MEF2C: variants seen among roughly 807,000 people sequenced by gnomAD.
MEF2C encodes myocyte enhancer factor 2C, also known as myocyte-specific enhancer factor 2C.
In MEF2C, 6 loss-of-function variants were observed where a neutral mutation model predicts 50.5. That is an observed-to-expected ratio of 0.12 (90% CI 0.07 to 0.23). The LOEUF is 0.23. Ranked by LOEUF, MEF2C falls within the 10% of genes least tolerant of loss-of-function variation. The pLI, the probability that MEF2C is intolerant of heterozygous loss-of-function variation, is 1.00. For missense variants in MEF2C, 276 were observed against 605.0 expected (o/e 0.46, Z 5.70); for synonymous variants, 183 against 228.0 (o/e 0.80, Z 1.78).
chr5:88,726,125 T>C (rs1314608768), intron 10 of MEF2C, among the ~76,000 whole-genome samples: 2 of 152,120 alleles, frequency 1.3e-5, no homozygotes, highest in South Asian at 2.1e-4. Flanking sequence ...TTTTTTTCCA[T>C]GGACAAAATA....
intron 1 of MEF2C, chr5:88,824,495 T>C (rs1188539637): frequency 3.6e-5 from 11 of 306,992 alleles, no homozygotes; most frequent in Non-Finnish European, 2.4e-5. Flanking sequence ...AAAAAATTAT[T>C]GCTGTGAGAA....
intron 1 of MEF2C, chr5:88,839,597 A>G (rs1320720593): frequency 6.6e-6 from 1 of 152,152 alleles, no homozygotes; most frequent in Non-Finnish European, 1.5e-5. Flanking sequence ...TCCCTCAGGT[A>G]TGTTTGTGGG....
chr5:88,728,430 A>G, intron 10 of MEF2C, 63 bp downstream of exon 10: 1 of 1,237,258 alleles, frequency 8.1e-7, no homozygotes, highest in South Asian at 2.8e-5. Context: ...ACATATTTAG[A>G]GACTGTCATT....
chr5:88,802,404 A>C (rs1232878345), intron 3 of MEF2C, among the ~76,000 whole-genome samples: 1 of 152,194 alleles, frequency 6.6e-6, no homozygotes, highest in African/African-American at 2.4e-5. Context: ...CCACCTATCA[A>C]AAAATATGAA....
intron 3 of MEF2C, chr5:88,769,859 TG>T: frequency 1.7e-6 from 1 of 592,118 alleles, no homozygotes; most frequent in Non-Finnish European, 2.1e-6. Flanking sequence ...TTGTCCAGGC[TG>T]GTCTTGAACT....
chr5:88,792,086 T>C (rs1162622168), intron 3 of MEF2C, among the ~76,000 whole-genome samples: 1 of 152,162 alleles, frequency 6.6e-6, no homozygotes, highest in African/African-American at 2.4e-5. Context: ...TCAAGAATAC[T>C]ATTTCTCTAA....
intron 7 of MEF2C, among the ~76,000 whole-genome samples, chr5:88,730,658 A>G (rs1761063845): frequency 6.6e-6 from 1 of 152,190 alleles, no homozygotes; most frequent in African/African-American, 2.4e-5. Context: ...ATGGCCTGCC[A>G]TGCACGGCCC....
intron 6 of MEF2C, chr5:88,743,475 A>G (rs974500449): frequency 3.0e-6 from 3 of 985,136 alleles, no homozygotes; most frequent in Admixed American, 6.1e-5. Context: ...TCCTCTTTCC[A>G]CTTAGTTCTA....
chr5:88,735,693 G>C (rs1460210571), intron 6 of MEF2C: 1 of 985,208 alleles, frequency 1.0e-6, no homozygotes, highest in African/African-American at 1.7e-5. Flanking sequence ...GTGGTGTTAG[G>C]AGAAAAACAT....
intron 1 of MEF2C, among the ~76,000 whole-genome samples, chr5:88,895,882 C>T (rs565127846): frequency 1.9e-4 from 29 of 152,310 alleles, no homozygotes; most frequent in African/African-American, 6.7e-4. Flanking sequence ...ATCCATGACA[C>T]GGTATCATTG....
At chr5:88,877,750 C>T (rs1206646543) in intron 1 of MEF2C, among the ~76,000 whole-genome samples, 1 of 151,864 alleles carries the variant, frequency 6.6e-6, no homozygotes, top group African/African-American at 2.4e-5. Flanking sequence ...GTGTACTTTA[C>T]AGTTATTTCA....
At chr5:88,745,708 A>C (rs1225038783) in intron 6 of MEF2C, among the ~76,000 whole-genome samples, 1 of 152,184 alleles carries the variant, frequency 6.6e-6, no homozygotes, top group Non-Finnish European at 1.5e-5. Context: ...CCAGCTACTC[A>C]GTAGGCTGAG....
chr5:88,724,490 C>T (rs1042393666), intron 10 of MEF2C, among the ~76,000 whole-genome samples: 6 of 152,010 alleles, frequency 3.9e-5, no homozygotes, highest in Admixed American at 2.0e-4. Flanking sequence ...TATTTGTTTC[C>T]TTAATAAGCG....
At chr5:88,758,731 A>G (rs1776481807) in intron 4 of MEF2C, among the ~76,000 whole-genome samples, 1 of 152,158 alleles carries the variant, frequency 6.6e-6, no homozygotes, top group African/African-American at 2.4e-5. Flanking sequence ...CACTTACTAA[A>G]GAGATGGAGA....
intron 1 of MEF2C, among the ~76,000 whole-genome samples, chr5:88,852,435 T>G (rs921666492): frequency 5.3e-5 from 8 of 152,238 alleles, no homozygotes; most frequent in Admixed American, 3.9e-4. Context: ...TCTATTTATT[T>G]GAACACTGGA....
intron 1 of MEF2C, among the ~76,000 whole-genome samples, chr5:88,894,759 A>G (rs1834940767): frequency 1.3e-5 from 2 of 152,226 alleles, no homozygotes; most frequent in African/African-American, 2.4e-5. Context: ...TTGACAAGTA[A>G]CACTCGTAAA....
intron 1 of MEF2C, among the ~76,000 whole-genome samples, chr5:88,837,087 T>C (rs1268209004): frequency 1.3e-5 from 2 of 151,904 alleles, no homozygotes; most frequent in Admixed American, 6.6e-5. Flanking sequence ...CTTTTCATAT[T>C]CTTCTACATG....
In MEF2C at chr5:88,760,260, C is replaced by A. The variant is rs1447606741; in HGVS notation, c.402+925G>T. On this transcript the variant is annotated intron_variant, in intron 4 of 10. Transcript: ENST00000504921. ...AACAAAATAATACATGCAGTTATTTCTCTTAAATATCTGGCAAGGCATATG... is the reference window on the plus strand; with the variant it reads ...AACAAAATAATACATGCAGTTATTTATCTTAAATATCTGGCAAGGCATATG... Among the ~76,000 whole-genome samples, 25 of 152,202 alleles carry A rather than the reference C, an allele frequency of 1.6e-4. 1 individual carries two copies. The highest frequency in any genetic ancestry group is 1.5e-3 in the Admixed American group (23 of 15,290).
chr5:88,895,623 A>G (rs1256360519), intron 1 of MEF2C, among the ~76,000 whole-genome samples: 1 of 152,112 alleles, frequency 6.6e-6, no homozygotes, highest in Non-Finnish European at 1.5e-5. Flanking sequence ...ATGTTGTGAA[A>G]GTTTGTCTTT....
Sources: allele counts gnomAD v4.1 joint callset (sites outside exome capture counted in the v4.1 genomes callset), GRCh38; gene constraint gnomAD v4.1.1; transcripts MANE v1.5; gene names NCBI Gene and HGNC (gene_info 2026-07-23, HGNC 2026-07-21).